Variants in DPY19L4 observed in about 807,000 individuals in gnomAD.
DPY19L4 encodes dpy-19 like 4, also known as probable C-mannosyltransferase DPY19L4.
Under a neutral mutation model 102.8 loss-of-function variants are expected in DPY19L4, and 97 were observed. The ratio of observed to expected loss-of-function variants is 0.94; its 90% CI spans 0.80 to 1.12. The LOEUF is 1.12. Ranked by LOEUF, DPY19L4 falls within the 50% of genes most tolerant of loss-of-function variation. The probability of loss-of-function intolerance (pLI) is 0.00; values close to 1 mark genes in which losing one functional copy is unlikely to be tolerated. For missense variants in DPY19L4, 815 were observed against 850.4 expected, an observed-to-expected ratio of 0.96 and a Z score of 0.52; for synonymous variants, 252 against 283.1, an observed-to-expected ratio of 0.89 and a Z score of 1.10.
rs748798907 is a variant in DPY19L4 at position 94,739,827 on chromosome 8, T to C, written c.611+37T>C. ...GTTTTAATTGATTTTTAAAAACTTTTTGTGGCTGTAGTAGTCAGAGTTCTG... is the reference window on the plus strand; with the variant it reads ...GTTTTAATTGATTTTTAAAAACTTTCTGTGGCTGTAGTAGTCAGAGTTCTG... On this transcript the variant is annotated intron_variant, in intron 6 of 18. Coordinates refer to ENST00000414645, the MANE Select transcript of DPY19L4 (RefSeq NM_181787.3). 9 of 1,606,498 alleles carry C rather than the reference T, an allele frequency of 5.6e-6. No homozygotes were observed. The South Asian group carries it at 7.7e-5, about 14-fold the overall frequency.
chr8:94,780,749 G>A (rs1813391142), intron 15 of DPY19L4, among the ~76,000 whole-genome samples: 1 of 152,090 alleles, frequency 6.6e-6, no homozygotes, highest in South Asian at 2.1e-4. Flanking sequence ...TATAAATTCT[G>A]CAAATTATTG....
At chr8:94,762,219 G>A (rs769546602) in intron 8 of DPY19L4, among the ~76,000 whole-genome samples, 7 of 152,172 alleles carry the variant, frequency 4.6e-5, no homozygotes, top group Admixed American at 1.3e-4. Flanking sequence ...AGACCCAGGC[G>A]TCTGAGGATG....
chr8:94,730,231 A>G (rs1810885243), intron 2 of DPY19L4, among the ~76,000 whole-genome samples: 1 of 152,122 alleles, frequency 6.6e-6, no homozygotes, highest in African/African-American at 2.4e-5. Flanking sequence ...CCATTTTACA[A>G]ATGAAGGGAC....
chr8:94,738,518 T>TC, intron 4 of DPY19L4, 59 bp downstream of exon 4: 1 of 731,394 alleles, frequency 1.4e-6, no homozygotes, highest in Non-Finnish European at 1.9e-6. Flanking sequence ...TTTCTTTTCT[T>TC]TTTTTTTTTT....
At chr8:94,783,078 GAATA>G (rs1813503203) in intron 16 of DPY19L4, among the ~76,000 whole-genome samples, 1 of 149,938 alleles carries the variant, frequency 6.7e-6, no homozygotes, top group Admixed American at 6.6e-5. Context: ...TTTAGACAGT[GAATA>G]AATAAGTGAA....
rs749083138 is a variant in DPY19L4 at position 94,783,733 on chromosome 8, A to T, written c.1779A>T (p.Leu593Phe). 1.4e-5 allele frequency: 22 copies of T among 1,614,164 alleles called. No homozygotes were observed. Among genetic ancestry groups the T allele is most frequent in the Non-Finnish European group, 1.8e-5 (21 of 1,180,012 alleles). ...CACAGTTAATGGGTGCGATTAAATT[A>T]TGCACTGGATGGATGGTGACAAGTT... ...GSPQLMGAIK[L>F]CTGWMVTSLP... The change falls in exon 17 of 19, where the codon TTA becomes TTT. Residue 593 changes from leucine (L) to phenylalanine (F), a missense_variant. Coordinates refer to ENST00000414645, the MANE Select transcript of DPY19L4 (RefSeq NM_181787.3).
At chr8:94,754,692 C>A (rs1812083370) in intron 6 of DPY19L4, among the ~76,000 whole-genome samples, 1 of 152,138 alleles carries the variant, frequency 6.6e-6, no homozygotes, top group African/African-American at 2.4e-5. Context: ...GATAGGTAGT[C>A]CCCTTGTGGT....
At chr8:94,740,365 TG>T in intron 6 of DPY19L4, among the ~76,000 whole-genome samples, 1 of 152,314 alleles carries the variant, frequency 6.6e-6, no homozygotes, top group East Asian at 1.9e-4. Context: ...GGTGAATGTG[TG>T]TGTGTATGCA....
intron 2 of DPY19L4, among the ~76,000 whole-genome samples, chr8:94,727,464 C>T (rs1810740947): frequency 6.6e-6 from 1 of 152,182 alleles, no homozygotes; most frequent in Non-Finnish European, 1.5e-5. Context: ...GAACTCCTGA[C>T]CTCAAGTGTT....
intron 7 of DPY19L4, among the ~76,000 whole-genome samples, chr8:94,758,234 G>A (rs1054582179): frequency 2.0e-5 from 3 of 152,078 alleles, no homozygotes; most frequent in African/African-American, 7.2e-5. Context: ...GCGTGATCTA[G>A]GCTTACTACA....
At chr8:94,767,843 AT>A (rs1465612996) in intron 11 of DPY19L4, among the ~76,000 whole-genome samples, 2 of 152,168 alleles carry the variant, frequency 1.3e-5, no homozygotes, top group African/African-American at 4.8e-5. Flanking sequence ...AGTGAAATTA[AT>A]TTTAATATAT....
chr8:94,752,323 G>A (rs1190900767), intron 6 of DPY19L4, among the ~76,000 whole-genome samples: 2 of 151,986 alleles, frequency 1.3e-5, no homozygotes, highest in East Asian at 3.9e-4. Flanking sequence ...AGGGTCTCAC[G>A]CCTGTAATCC....
intron 6 of DPY19L4, among the ~76,000 whole-genome samples, chr8:94,751,118 C>CTTTCTT (rs1261561359): frequency 0.035 from 4,118 of 116,768 alleles, 90 homozygotes; most frequent in Non-Finnish European, 0.045. Context: ...TCTTTTCTTT[C>CTTTCTT]TTTTCTTTTT....
intron 1 of DPY19L4, 98 bp downstream of exon 1, chr8:94,720,112 C>A: frequency 2.9e-6 from 4 of 1,396,604 alleles, no homozygotes; most frequent in Non-Finnish European, 3.7e-6. Flanking sequence ...CTGGTGGCCG[C>A]GGTCGCGGTG....
chr8:94,779,999 T>C (rs1174046506), intron 14 of DPY19L4, among the ~76,000 whole-genome samples: 1 of 152,242 alleles, frequency 6.6e-6, no homozygotes, highest in African/African-American at 2.4e-5. Context: ...TTTTTGTTGT[T>C]AGCTTTTCAT....
intron 18 of DPY19L4, among the ~76,000 whole-genome samples, chr8:94,789,165 TCTC>T (rs559782487): frequency 2.0e-3 from 306 of 152,278 alleles, no homozygotes; most frequent in African/African-American, 7.0e-3. Context: ...TCAGCTTACT[TCTC>T]CTTTCATGTC....
intron 16 of DPY19L4, among the ~76,000 whole-genome samples, chr8:94,783,123 G>A (rs145781036): frequency 1.3e-5 from 2 of 149,846 alleles, no homozygotes; most frequent in Non-Finnish European, 2.9e-5. Flanking sequence ...GGACCTGCTT[G>A]TAGGTTTTCC....
In DPY19L4 at chr8:94,792,979, T is replaced by A. The variant is rs1197982996; in HGVS notation, c.*3069T>A. Reference sequence around the variant, plus strand: ...AAGATATATGATATTGATTCTGAGCTGCTTTGTATTTTTTCTGACTTTGGC... The same window carrying A: ...AAGATATATGATATTGATTCTGAGCAGCTTTGTATTTTTTCTGACTTTGGC... On this transcript the variant is annotated 3_prime_UTR_variant, in exon 19 of 19. Transcript: ENST00000414645. 6.6e-6 allele frequency: 1 copy of A among 152,234 alleles called. No individual in the cohort carries two copies. The highest frequency in any genetic ancestry group is 2.4e-5 in the African/African-American group (1 of 41,468). 9.4% of individuals were successfully genotyped at this position (152,234 alleles called of 1,614,324 possible). A position where few individuals can be genotyped will look rare whatever the true frequency, so the allele number is the denominator to read the frequency against.
chr8:94,725,446 A>G (rs562507260), intron 1 of DPY19L4, among the ~76,000 whole-genome samples: 3 of 152,340 alleles, frequency 2.0e-5, no homozygotes, highest in African/African-American at 7.2e-5. Flanking sequence ...GAGCTAGAAG[A>G]GGAAGATAGT....
Sources: gnomAD v4.1 joint callset for allele counts (sites outside exome capture counted in the v4.1 genomes callset) on GRCh38, gnomAD v4.1.1 for gene constraint, MANE v1.5 for transcripts, NCBI Gene and HGNC (gene_info 2026-07-23, HGNC 2026-07-21) for gene names.